The following SLC12A8 variants were observed in gnomAD, a reference collection of about 807,000 sequenced individuals.
SLC12A8 encodes cation-chloride cotransporter 9.
Under a neutral mutation model 75.6 loss-of-function variants are expected in SLC12A8, and 69 were observed. The observed-to-expected ratio is 0.91, with a 90% CI of 0.75 to 1.11. The LOEUF (loss-of-function observed/expected upper bound fraction) is 1.11. Ranked by LOEUF, SLC12A8 falls within the 50% of genes most tolerant of loss-of-function variation. The pLI is 0.00. For missense variants in SLC12A8, 877 were observed against 896.7 expected, an observed-to-expected ratio of 0.98 and a Z score of 0.28; for synonymous variants, 365 against 372.8, an observed-to-expected ratio of 0.98 and a Z score of 0.24.
intron 5 of SLC12A8, among the ~76,000 whole-genome samples, chr3:125,142,463 C>T (rs555915): frequency 0.18 from 27,114 of 152,160 alleles, 2,782 homozygotes; most frequent in South Asian, 0.32. Context: ...GGAGAAGTCC[C>T]TGCCATGCTT....
intron 5 of SLC12A8, among the ~76,000 whole-genome samples, chr3:125,168,477 A>T (rs694828): frequency 0.75 from 114,698 of 151,990 alleles, 43,432 homozygotes; most frequent in Admixed American, 0.78. Flanking sequence ...AGCAGGGGAG[A>T]GCCACTGGTG....
chr3:125,135,505 A>G (rs1933464744), intron 6 of SLC12A8, among the ~76,000 whole-genome samples, 164 bp downstream of exon 6: 1 of 152,224 alleles, frequency 6.6e-6, no homozygotes, highest in African/African-American at 2.4e-5. Flanking sequence ...TACAAAATAC[A>G]TACATAAACA....
At chr3:125,156,601 G>C (rs756969410) in intron 5 of SLC12A8, among the ~76,000 whole-genome samples, 1 of 152,228 alleles carries the variant, frequency 6.6e-6, no homozygotes, top group African/African-American at 2.4e-5. Flanking sequence ...GATGGGATGA[G>C]AGGTGGGATG....
intron 3 of SLC12A8, among the ~76,000 whole-genome samples, chr3:125,188,774 T>TATAATG (rs1934850260): frequency 1.3e-5 from 2 of 152,220 alleles, no homozygotes; most frequent in African/African-American, 4.8e-5. Flanking sequence ...TCAGTTGTAC[T>TATAATG]CTGTTCCAGT....
At chr3:125,206,248 T>C (rs376443913) in intron 2 of SLC12A8, among the ~76,000 whole-genome samples, 3 of 152,178 alleles carry the variant, frequency 2.0e-5, no homozygotes, top group Admixed American at 6.5e-5. Context: ...CTGACACCCA[T>C]ACTCAAAATT....
intron 5 of SLC12A8, among the ~76,000 whole-genome samples, chr3:125,145,437 T>G (rs1288577485): frequency 6.6e-6 from 1 of 152,180 alleles, no homozygotes; most frequent in Non-Finnish European, 1.5e-5. Flanking sequence ...CAAAATGTGG[T>G]ATATCGATAC....
chr3:125,110,219 C>T lies in SLC12A8; in HGVS notation c.1029G>A (p.Val343=), dbSNP rs768637360. ...RILQCIAQEK[V]IPALACLGQG... ...GTCCCAGACAGGCAAGTGCAGGGAT[C>T]ACTTTCTCCTGGGCAATGCACTGCA... is the stretch of plus-strand genomic sequence containing the variant. The change falls in exon 9 of 14, where the codon GTG becomes GTA. Residue 343 remains valine, a synonymous_variant. Coordinates refer to ENST00000469902, the MANE Select transcript of SLC12A8 (RefSeq NM_024628.6). 6 of 1,613,840 alleles carry T rather than the reference C, an allele frequency of 3.7e-6. No homozygotes were observed. Among genetic ancestry groups the T allele is most frequent in the Admixed American group, 3.3e-5 (2 of 60,006 alleles).
In SLC12A8 at chr3:125,187,303, G is replaced by A. The variant is rs1934811313; in HGVS notation, c.324C>T (p.Ser108=). Residue 108 remains serine (S), a synonymous_variant, in exon 4 of 14, where the codon TCC becomes TCT. Transcript: ENST00000469902. ...GCCCACCCAGGACCGAGGAGATCAT[G>A]GAGTAGACGCCACCGCTGCCGATGC... The part of the protein sequence containing the change: ...RSSIGSGGVY[S]MISSVLGGQT... 1 of 1,614,206 alleles carries A rather than the reference G, an allele frequency of 6.2e-7. No individual in the cohort carries two copies. Among genetic ancestry groups the A allele is most frequent in the Admixed American group, 1.7e-5 (1 of 60,032 alleles).
intron 5 of SLC12A8, among the ~76,000 whole-genome samples, chr3:125,160,248 T>C (rs1934138526): frequency 1.3e-5 from 2 of 152,354 alleles, no homozygotes; most frequent in South Asian, 4.1e-4. Flanking sequence ...CCAGTGCGAC[T>C]TGGTTCTCAA....
intron 5 of SLC12A8, among the ~76,000 whole-genome samples, chr3:125,139,544 G>A (rs1933575837): frequency 6.6e-6 from 1 of 152,136 alleles, no homozygotes; most frequent in African/African-American, 2.4e-5. Context: ...AAAGAGTCTT[G>A]CTCACTGGTC....
intron 3 of SLC12A8, among the ~76,000 whole-genome samples, chr3:125,189,289 T>C (rs1934862114): frequency 6.6e-6 from 1 of 152,238 alleles, no homozygotes. Context: ...AATCCTTACC[T>C]GCTAATATAT....
chr3:125,182,170 T>C (rs535884599), intron 4 of SLC12A8, among the ~76,000 whole-genome samples: 3 of 152,136 alleles, frequency 2.0e-5, no homozygotes, highest in African/African-American at 7.2e-5. Context: ...ACAAAAATAA[T>C]TTAAAAATTA....
chr3:125,094,864 C>T (rs1560049187), intron 10 of SLC12A8, among the ~76,000 whole-genome samples: 1 of 152,222 alleles, frequency 6.6e-6, no homozygotes, highest in Non-Finnish European at 1.5e-5. Flanking sequence ...CTGTGGTCAA[C>T]TCCTAGCCCT....
At chr3:125,151,735 C>T (rs896674744) in intron 5 of SLC12A8, among the ~76,000 whole-genome samples, 3 of 152,168 alleles carry the variant, frequency 2.0e-5, no homozygotes. Context: ...CCAAGGCAAT[C>T]GTATTTATAG....
At position 125,190,417 on chromosome 3, in the gene SLC12A8, G is replaced by A. The variant is rs755505133; in HGVS notation, c.156C>T (p.Asn52=). The A allele has an allele frequency of 4.3e-6, 7 of 1,614,084 alleles. No individual in the cohort carries two copies. The African/African-American group carries it at 6.7e-5, about 15-fold the overall frequency. ...WDGVFTSCMI[N]IFGVVLFLRT... ...TCAGGAAGAGCACAACCCCAAAGAT[G>A]TTGATCATGCAGGATGTGAACACAC... The change falls in exon 3 of 14, where the codon AAC becomes AAT. Residue 52 remains asparagine (N), a synonymous_variant. Coordinates refer to ENST00000469902, the MANE Select transcript of SLC12A8 (RefSeq NM_024628.6).
intron 5 of SLC12A8, among the ~76,000 whole-genome samples, chr3:125,167,541 C>T (rs908770116): frequency 6.6e-6 from 1 of 152,044 alleles, no homozygotes; most frequent in Non-Finnish European, 1.5e-5. Context: ...CAAAGGATCT[C>T]CACGGGCCTT....
intron 2 of SLC12A8, among the ~76,000 whole-genome samples, chr3:125,209,768 C>T (rs657371): frequency 2.0e-5 from 3 of 152,232 alleles, no homozygotes; most frequent in Admixed American, 6.5e-5. Context: ...AGGGCCCTGG[C>T]GGCCAAGATG....
chr3:125,143,045 A>C (rs1314776681), intron 5 of SLC12A8, among the ~76,000 whole-genome samples: 1 of 152,240 alleles, frequency 6.6e-6, no homozygotes, highest in African/African-American at 2.4e-5. Flanking sequence ...GGGCAGAGAG[A>C]TGAGGAAACC....
At chr3:125,207,851 C>G (rs1441414646) in intron 2 of SLC12A8, among the ~76,000 whole-genome samples, 1 of 152,234 alleles carries the variant, frequency 6.6e-6, no homozygotes, top group African/African-American at 2.4e-5. Flanking sequence ...CGCTGGGCTT[C>G]TGTGTGCGAT....
Sources: gnomAD v4.1 joint callset for allele counts (sites outside exome capture counted in the v4.1 genomes callset) on GRCh38, gnomAD v4.1.1 for gene constraint, MANE v1.5 for transcripts, NCBI Gene and HGNC (gene_info 2026-07-23, HGNC 2026-07-21) for gene names.